Variants in IGSF21 observed in about 807,000 individuals in gnomAD.
IGSF21 encodes the protein immunoglobulin superfamily member 21.
IGSF21 carries 28 observed loss-of-function variants against 46.8 expected under a neutral mutation model. The ratio of observed to expected loss-of-function variants is 0.60; its 90% CI spans 0.44 to 0.82. The LOEUF (loss-of-function observed/expected upper bound fraction) is 0.82. IGSF21 is among the 40% of genes least tolerant of loss of function. The probability of loss-of-function intolerance (pLI) is 0.00; values close to 1 mark genes in which losing one functional copy is unlikely to be tolerated. For missense variants in IGSF21, 624 were observed against 665.5 expected, an observed-to-expected ratio of 0.94 and a Z score of 0.69; for synonymous variants, 284 against 273.6, an observed-to-expected ratio of 1.04 and a Z score of -0.38.
chr1:18,338,590 A>T (rs1434583626), intron 4 of IGSF21, among the ~76,000 whole-genome samples: 1 of 152,152 alleles, frequency 6.6e-6, no homozygotes, highest in Non-Finnish European at 1.5e-5. Flanking sequence ...CCAGCACCCC[A>T]GTCTACCATC....
At chr1:18,332,724 C>A (rs540067873) in intron 3 of IGSF21, among the ~76,000 whole-genome samples, 22 of 152,184 alleles carry the variant, frequency 1.4e-4, no homozygotes, top group Non-Finnish European at 5.9e-5. Context: ...TGATGAAAAG[C>A]TTCCCATTCT....
chr1:18,218,346 G>T (rs4310409), intron 1 of IGSF21, among the ~76,000 whole-genome samples: 54,729 of 152,042 alleles, frequency 0.36, 10,218 homozygotes, highest in East Asian at 0.55. Context: ...CTCCCACCAG[G>T]TCCGTCTTCC....
intron 2 of IGSF21, among the ~76,000 whole-genome samples, chr1:18,248,180 G>A (rs1013072229): frequency 6.6e-6 from 1 of 152,218 alleles, no homozygotes; most frequent in East Asian, 1.9e-4. Context: ...CCTAAGCTGA[G>A]CTTCTGCCTC....
At chr1:18,355,115 C>G (rs2086001511) in intron 4 of IGSF21, among the ~76,000 whole-genome samples, 1 of 152,180 alleles carries the variant, frequency 6.6e-6, no homozygotes, top group Admixed American at 6.5e-5. Flanking sequence ...TGGTCTGACT[C>G]TATTAGAGCC....
At chr1:18,313,522 T>G (rs1024866526) in intron 3 of IGSF21, among the ~76,000 whole-genome samples, 2 of 152,120 alleles carry the variant, frequency 1.3e-5, no homozygotes, top group African/African-American at 2.4e-5. Context: ...AATGAGTTAA[T>G]AAAGCTCTTA....
chr1:18,215,170 T>A (rs1349427590), intron 1 of IGSF21, among the ~76,000 whole-genome samples: 1 of 152,186 alleles, frequency 6.6e-6, no homozygotes, highest in Non-Finnish European at 1.5e-5. Context: ...GGATTACAAT[T>A]CAGGATGAGA....
chr1:18,163,428 A>C (rs560120339), intron 1 of IGSF21, among the ~76,000 whole-genome samples: 56 of 152,240 alleles, frequency 3.7e-4, no homozygotes, highest in African/African-American at 1.3e-3. Flanking sequence ...GGGAGGATGG[A>C]TGTATCTGCC....
At chr1:18,281,377 T>C (rs1029984485) in intron 2 of IGSF21, among the ~76,000 whole-genome samples, 61 of 151,904 alleles carry the variant, frequency 4.0e-4, no homozygotes, top group African/African-American at 1.4e-3. Flanking sequence ...CTGGCCAACA[T>C]AGTGAAACCC....
chr1:18,192,894 G>A (rs971931064), intron 1 of IGSF21, among the ~76,000 whole-genome samples: 1 of 151,964 alleles, frequency 6.6e-6, no homozygotes, highest in East Asian at 1.9e-4. Context: ...TCGTTTATTC[G>A]ACACATATTA....
At chr1:18,166,397 C>G (rs184502099) in intron 1 of IGSF21, among the ~76,000 whole-genome samples, 49 of 152,202 alleles carry the variant, frequency 3.2e-4, no homozygotes, top group Admixed American at 1.0e-3. Flanking sequence ...TTTGGAGTCA[C>G]TTTGACCTCC....
At position 18,109,404 on chromosome 1, in the gene IGSF21, G is replaced by C. The variant is rs949407886; in HGVS notation, c.70+1206G>C. 4 of 152,114 alleles carry C rather than the reference G, an allele frequency of 2.6e-5. No homozygotes were observed. The highest frequency in any genetic ancestry group is 7.2e-5 in the African/African-American group (3 of 41,406). 9.4% of individuals were successfully genotyped at this position (152,114 alleles called of 1,614,324 possible). A position where few individuals can be genotyped will look rare whatever the true frequency, so the allele number is the denominator to read the frequency against. ...TCGTCTTTATGATCAATAAGGTCTC[G>C]ACCCCGAGCCCCACTGGATGATAGA... On this transcript the variant is annotated intron_variant, in intron 1 of 9. Transcript: ENST00000251296. This position sits in a 1 kb window ranked among gnomAD's most constrained non-coding sequence, Gnocchi z 4.8.
At chr1:18,377,760 G>C (rs145259460) in intron 9 of IGSF21, among the ~76,000 whole-genome samples, 28 of 152,324 alleles carry the variant, frequency 1.8e-4, no homozygotes, top group African/African-American at 5.8e-4. Context: ...TTAGCTCAGA[G>C]CTTGGCTGCC....
chr1:18,119,018 C>T (rs1007928455), intron 1 of IGSF21, among the ~76,000 whole-genome samples: 1 of 147,112 alleles, frequency 6.8e-6, no homozygotes, highest in Admixed American at 7.0e-5. Flanking sequence ...ACTTAGTTTT[C>T]ATTTAAACAT....
intron 3 of IGSF21, among the ~76,000 whole-genome samples, chr1:18,316,062 T>C (rs1376681040): frequency 6.6e-6 from 1 of 152,200 alleles, no homozygotes; most frequent in African/African-American, 2.4e-5. Context: ...TCAAGCTTAC[T>C]TTCTGGAAGG....
intron 1 of IGSF21, among the ~76,000 whole-genome samples, chr1:18,117,759 G>A (rs1055770525): frequency 1.3e-5 from 2 of 152,226 alleles, no homozygotes; most frequent in African/African-American, 4.8e-5. Flanking sequence ...TCCCCATGTG[G>A]ATCACTGGAA....
At chr1:18,254,920 C>G (rs1429558593) in intron 2 of IGSF21, among the ~76,000 whole-genome samples, 2 of 152,184 alleles carry the variant, frequency 1.3e-5, no homozygotes, top group Non-Finnish European at 2.9e-5. Flanking sequence ...TATTTTGAGC[C>G]AGTGACGTTG....
chr1:18,294,991 CCTCTTCAGCT>C (rs2085299162), intron 3 of IGSF21, among the ~76,000 whole-genome samples: 1 of 152,236 alleles, frequency 6.6e-6, no homozygotes, highest in Non-Finnish European at 1.5e-5. Context: ...TGAGCCGTTT[CCTCTTCAGCT>C]GGGGAAAGTA....
intron 2 of IGSF21, among the ~76,000 whole-genome samples, chr1:18,247,012 G>A (rs186319976): frequency 3.3e-5 from 5 of 151,728 alleles, no homozygotes; most frequent in Non-Finnish European, 2.9e-5. Context: ...GCGCAGAGAC[G>A]TGATGTGAAT....
chr1:18,371,146 T>C (rs1407175217), intron 6 of IGSF21, among the ~76,000 whole-genome samples: 1 of 152,180 alleles, frequency 6.6e-6, no homozygotes, highest in South Asian at 2.1e-4. Context: ...AACAGAACTG[T>C]AAATAATCTA....
Sources: gnomAD v4.1 joint callset for allele counts (sites outside exome capture counted in the v4.1 genomes callset) on GRCh38, gnomAD v4.1.1 for gene constraint, Gnocchi (gnomAD v3.1) non-coding constraint, MANE v1.5 for transcripts, NCBI Gene and HGNC (gene_info 2026-07-23, HGNC 2026-07-21) for gene names.